Variants in SH3RF3 observed in about 807,000 individuals in gnomAD.
The protein encoded by SH3RF3 is SH3 domain containing ring finger 3.
In SH3RF3, 29 loss-of-function variants were observed where a neutral mutation model predicts 66.3. That is an observed-to-expected ratio of 0.44 (90% confidence interval 0.33 to 0.60). SH3RF3 has a LOEUF of 0.60. SH3RF3 is among the 20% of genes least tolerant of loss of function. SH3RF3 has a pLI of 0.04. For missense variants in SH3RF3, 1,194 were observed against 1,190.9 expected (o/e 1.00, Z -0.04); for synonymous variants, 583 against 532.0 (o/e 1.10, Z -1.32).
chr2:109,353,402 A>C (rs918845028), intron 2 of SH3RF3, among the ~76,000 whole-genome samples: 1 of 152,194 alleles, frequency 6.6e-6, no homozygotes, highest in Non-Finnish European at 1.5e-5. Context: ...GGAGCACCCC[A>C]CACTGAGACT....
intron 8 of SH3RF3, among the ~76,000 whole-genome samples, 169 bp from the exon 9 acceptor site, chr2:109,490,436 G>A (rs1679099446): frequency 6.6e-6 from 1 of 152,214 alleles, no homozygotes; most frequent in African/African-American, 2.4e-5. Context: ...GCAAGAAAAT[G>A]CTGGTACTCT....
chr2:109,490,532 T>C, intron 8 of SH3RF3, 73 bp from the exon 9 acceptor site: 1 of 1,218,088 alleles, frequency 8.2e-7, no homozygotes, highest in Admixed American at 3.3e-5. Context: ...GGAAGATGCA[T>C]TCCCCTCTCT....
At chr2:109,421,392 G>T (rs1676873759) in intron 5 of SH3RF3, among the ~76,000 whole-genome samples, 1 of 152,222 alleles carries the variant, frequency 6.6e-6, no homozygotes, top group African/African-American at 2.4e-5. Flanking sequence ...GGTGCAGAGG[G>T]CTCCCCAGCT....
At chr2:109,217,750 C>T (rs755360376) in intron 1 of SH3RF3, among the ~76,000 whole-genome samples, 8 of 152,194 alleles carry the variant, frequency 5.3e-5, no homozygotes, top group Non-Finnish European at 8.8e-5. Context: ...TATGGCCACT[C>T]AACTAATAGA....
intron 1 of SH3RF3, among the ~76,000 whole-genome samples, chr2:109,328,356 G>A (rs2105479583): frequency 6.6e-6 from 1 of 152,224 alleles, no homozygotes; most frequent in African/African-American, 2.4e-5. Context: ...CCATTAATCT[G>A]TTGAAGAACA....
rs145247442 is a variant in SH3RF3 at position 109,305,787 on chromosome 2, G to A, written c.574-41887G>A. 8.8e-3 allele frequency among the ~76,000 whole-genome samples: 1,340 copies of A among 152,342 alleles called. 15 individuals are homozygous for A. The highest frequency in any genetic ancestry group is 0.031 in the African/African-American group (1,284 of 41,574). ...CCCTGAGACAGATGCCACAAAACTT[G>A]CTGGAGGTGGTCTCAGAGGCTGGGG... On this transcript the variant is annotated intron_variant, in intron 1 of 9. Coordinates refer to ENST00000309415, the MANE Select transcript of SH3RF3 (RefSeq NM_001099289.3).
At chr2:109,190,564 A>G (rs1678325301) in intron 1 of SH3RF3, among the ~76,000 whole-genome samples, 1 of 152,218 alleles carries the variant, frequency 6.6e-6, no homozygotes, top group Non-Finnish European at 1.5e-5. Context: ...CACCTGAGTG[A>G]ACAGATTGTT....
chr2:109,273,180 A>G (rs918765918), intron 1 of SH3RF3, among the ~76,000 whole-genome samples: 4 of 152,220 alleles, frequency 2.6e-5, no homozygotes, highest in African/African-American at 9.6e-5. Flanking sequence ...AGTGCTCATT[A>G]ACTAGGAAGA....
intron 1 of SH3RF3, among the ~76,000 whole-genome samples, chr2:109,317,702 G>A (rs1378378743): frequency 1.3e-5 from 2 of 152,140 alleles, no homozygotes; most frequent in Non-Finnish European, 1.5e-5. Flanking sequence ...TCTCCACCAC[G>A]GAATCACAGT....
chr2:109,381,206 C>T (rs1235549190), intron 3 of SH3RF3, among the ~76,000 whole-genome samples: 2 of 152,174 alleles, frequency 1.3e-5, no homozygotes, highest in Non-Finnish European at 2.9e-5. Context: ...CAGCTGAACA[C>T]CCAGGTGGCC....
chr2:109,438,967 C>A (rs1341002684), intron 7 of SH3RF3, among the ~76,000 whole-genome samples: 1 of 152,120 alleles, frequency 6.6e-6, no homozygotes, highest in Non-Finnish European at 1.5e-5. Context: ...GGTGAGTGGC[C>A]CCACTCATCA....
chr2:109,291,206 T>C (rs1681168886), intron 1 of SH3RF3, among the ~76,000 whole-genome samples: 1 of 152,068 alleles, frequency 6.6e-6, no homozygotes, highest in Non-Finnish European at 1.5e-5. Context: ...TTGAAAATGC[T>C]GTCAGGATAT....
chr2:109,345,485 G>A (rs928322466), intron 1 of SH3RF3, among the ~76,000 whole-genome samples: 4 of 152,074 alleles, frequency 2.6e-5, no homozygotes, highest in African/African-American at 9.7e-5. Context: ...CTTATAACAC[G>A]GCTTTTAAGC....
At chr2:109,462,662 T>A (rs1678237038) in intron 8 of SH3RF3, among the ~76,000 whole-genome samples, 1 of 152,234 alleles carries the variant, frequency 6.6e-6, no homozygotes. Context: ...CACTGGCCTT[T>A]CTTGCATAAC....
chr2:109,347,836 A>T lies in SH3RF3; in HGVS notation c.736A>T (p.Ser246Cys). 1.2e-6 allele frequency: 2 copies of T among 1,613,972 alleles called. No homozygotes were observed. The highest frequency in any genetic ancestry group is 1.7e-6 in the Non-Finnish European group (2 of 1,179,874). ...CGGCACACAGGGCTTCCTCCCAGCCAGCTATATCCAGTGCATCCAGCCCTT... is the reference window on the plus strand; with the variant it reads ...CGGCACACAGGGCTTCCTCCCAGCCTGCTATATCCAGTGCATCCAGCCCTT... ...LHGTQGFLPASYIQCIQPLPH... is the reference protein window; with the variant it reads ...LHGTQGFLPACYIQCIQPLPH... Residue 246 changes from serine (S) to cysteine (C), a missense_variant, in exon 2 of 10, where the codon AGC becomes TGC. Ser to Cys is a moderately radical substitution (Grantham distance 112). Transcript: ENST00000309415.
At chr2:109,342,827 A>C (rs1002695404) in intron 1 of SH3RF3, among the ~76,000 whole-genome samples, 1 of 152,246 alleles carries the variant, frequency 6.6e-6, no homozygotes, top group Non-Finnish European at 1.5e-5. Context: ...TGTGTGTGCC[A>C]CATCTGAGTA....
chr2:109,341,302 C>T (rs988328021), intron 1 of SH3RF3, among the ~76,000 whole-genome samples: 26 of 152,144 alleles, frequency 1.7e-4, no homozygotes, highest in African/African-American at 2.9e-4. Context: ...TTCTTCATCG[C>T]GGATTAAATC....
intron 1 of SH3RF3, among the ~76,000 whole-genome samples, chr2:109,337,983 C>T (rs186249895): frequency 5.9e-4 from 90 of 152,188 alleles, no homozygotes; most frequent in African/African-American, 2.0e-3. Context: ...CTGCCTGCTG[C>T]GGCCTCCCAA....
At chr2:109,318,100 C>CA (rs3054730) in intron 1 of SH3RF3, among the ~76,000 whole-genome samples, 2,267 of 134,488 alleles carry the variant, frequency 0.017, 55 homozygotes, top group African/African-American at 0.051. Context: ...TTTCAGTACG[C>CA]AAAAAAAAAA....
Sources: allele counts gnomAD v4.1 joint callset (sites outside exome capture counted in the v4.1 genomes callset), GRCh38; gene constraint gnomAD v4.1.1; transcripts MANE v1.5; gene names NCBI Gene and HGNC (gene_info 2026-07-23, HGNC 2026-07-21).